Variants in PVT1 observed in about 807,000 individuals in gnomAD.
PVT1 encodes the protein CXCR4/PVT1 fusion.
chr8:127,936,027 T>G (rs1453489255), intron 3 of PVT1, among the ~76,000 whole-genome samples: 1 of 146,188 alleles, frequency 6.8e-6, no homozygotes, highest in Non-Finnish European at 1.5e-5. Flanking sequence ...GTCTTCTCTC[T>G]CTCTCTCTTT....
chr8:128,080,589 C>T (rs1274914472), intron 5 of PVT1, among the ~76,000 whole-genome samples: 3 of 152,168 alleles, frequency 2.0e-5, no homozygotes. Flanking sequence ...TTTAAGAGTT[C>T]TTTGTATACT....
At chr8:128,094,985 G>A (rs1011474765) in intron 5 of PVT1, among the ~76,000 whole-genome samples, 2 of 152,178 alleles carry the variant, frequency 1.3e-5, no homozygotes, top group Non-Finnish European at 2.9e-5. Flanking sequence ...GACCAGCCCC[G>A]GAGAGCAACT....
intron 2 of PVT1, among the ~76,000 whole-genome samples, chr8:127,813,805 A>C (rs1410326010): frequency 3.3e-5 from 5 of 152,206 alleles, no homozygotes; most frequent in Non-Finnish European, 5.9e-5. Context: ...CGCAAACCAC[A>C]TGGAAACGAG....
At chr8:127,929,204 T>G (rs1227406576) in intron 3 of PVT1, among the ~76,000 whole-genome samples, 32 of 146,312 alleles carry the variant, frequency 2.2e-4, no homozygotes, top group African/African-American at 8.4e-4. Flanking sequence ...TTTCTGTTTT[T>G]TTTTTTTTTT....
intron 4 of PVT1, among the ~76,000 whole-genome samples, chr8:128,013,412 G>A (rs1375188828): frequency 6.6e-6 from 1 of 151,864 alleles, no homozygotes; most frequent in Non-Finnish European, 1.5e-5. Context: ...GGCAGAGTTA[G>A]CCACTTCTTC....
intron 3 of PVT1, among the ~76,000 whole-genome samples, chr8:127,979,756 G>A (rs1478827868): frequency 6.6e-6 from 1 of 152,214 alleles, no homozygotes; most frequent in Non-Finnish European, 1.5e-5. Flanking sequence ...CTTGAACAAG[G>A]TGATTGTATT....
At chr8:127,986,569 C>A (rs546820459) in intron 3 of PVT1, among the ~76,000 whole-genome samples, 53 of 152,326 alleles carry the variant, frequency 3.5e-4, no homozygotes, top group African/African-American at 1.2e-3. Flanking sequence ...TCCCATCAGA[C>A]CTTCCTCTTC....
chr8:127,878,439 T>G (rs763480766), intron 2 of PVT1, among the ~76,000 whole-genome samples: 6 of 152,202 alleles, frequency 3.9e-5, no homozygotes, highest in Non-Finnish European at 5.9e-5. Context: ...GAACTGAAGC[T>G]TAAAGCTTCG....
intron 4 of PVT1, among the ~76,000 whole-genome samples, chr8:128,025,459 A>C (rs1817482277): frequency 6.6e-6 from 1 of 152,114 alleles, no homozygotes; most frequent in African/African-American, 2.4e-5. Context: ...GCCCTGCACC[A>C]GGCACCTTCA....
At chr8:127,966,829 C>CT (rs776072659) in intron 3 of PVT1, among the ~76,000 whole-genome samples, 7 of 152,212 alleles carry the variant, frequency 4.6e-5, no homozygotes, top group Admixed American at 6.5e-5. Flanking sequence ...TGGGATTCTC[C>CT]TTTCATCTTT....
chr8:128,007,167 T>G (rs1180728421), intron 4 of PVT1, among the ~76,000 whole-genome samples: 1 of 152,254 alleles, frequency 6.6e-6, no homozygotes, highest in Non-Finnish European at 1.5e-5. Flanking sequence ...AACGCATGAC[T>G]GCGGGCTGCG....
intron 3 of PVT1, among the ~76,000 whole-genome samples, chr8:127,982,654 A>ATTAC (rs1267992958): frequency 6.3e-5 from 9 of 143,714 alleles, no homozygotes; most frequent in Non-Finnish European, 1.0e-4. Flanking sequence ...TACAAAAATA[A>ATTAC]TTAATTAATT....
At chr8:128,087,896 T>C (rs1444424774) in intron 5 of PVT1, among the ~76,000 whole-genome samples, 1 of 151,758 alleles carries the variant, frequency 6.6e-6, no homozygotes, top group East Asian at 1.9e-4. Context: ...GTAGCTGGGA[T>C]TGCAGACACG....
At chr8:127,886,207 A>G (rs748664916) in intron 2 of PVT1, among the ~76,000 whole-genome samples, 60 of 152,330 alleles carry the variant, frequency 3.9e-4, no homozygotes, top group Non-Finnish European at 5.1e-4. Flanking sequence ...TGATTTTAAG[A>G]AATTAGAACC....
intron 3 of PVT1, among the ~76,000 whole-genome samples, chr8:127,923,911 A>G (rs527488899): frequency 3.3e-5 from 5 of 152,338 alleles, no homozygotes; most frequent in African/African-American, 1.2e-4. Flanking sequence ...TCCCAAGTAC[A>G]GATTGAACAT....
intron 3 of PVT1, among the ~76,000 whole-genome samples, chr8:127,955,692 C>T (rs1297548666): frequency 1.3e-5 from 2 of 151,980 alleles, no homozygotes; most frequent in Non-Finnish European, 1.5e-5. Flanking sequence ...GAGTGATTCT[C>T]ATGTCTCAGC....
chr8:127,861,039 C>T (rs973841709), intron 2 of PVT1, among the ~76,000 whole-genome samples: 1 of 152,120 alleles, frequency 6.6e-6, no homozygotes, highest in Non-Finnish European at 1.5e-5. Flanking sequence ...TGCCTTGGAC[C>T]TATTACCTCA....
At chr8:128,085,326 G>C (rs2542406) in intron 5 of PVT1, among the ~76,000 whole-genome samples, 31,611 of 152,006 alleles carry the variant, frequency 0.21, 4,213 homozygotes, top group African/African-American at 0.37. Context: ...CAAGTGAGAA[G>C]CACCCAGCCA....
At chr8:127,882,341 C>T (rs543103941) in intron 2 of PVT1, among the ~76,000 whole-genome samples, 28 of 152,240 alleles carry the variant, frequency 1.8e-4, no homozygotes, top group African/African-American at 5.3e-4. Context: ...CAGATCTCCC[C>T]GATTTATCTT....
Sources: allele counts gnomAD v4.1 joint callset (sites outside exome capture counted in the v4.1 genomes callset), GRCh38; gene constraint gnomAD v4.1.1; transcripts MANE v1.5; gene names NCBI Gene and HGNC (gene_info 2026-07-23, HGNC 2026-07-21).